ARHGEF28: variants seen among roughly 807,000 people sequenced by gnomAD.
The protein encoded by ARHGEF28 is 190 kDa guanine nucleotide exchange factor.
In ARHGEF28, 152 loss-of-function variants were observed where a neutral mutation model predicts 206.6. That is an observed-to-expected ratio of 0.74 (90% CI 0.64 to 0.84). ARHGEF28 has a LOEUF of 0.84. Ranked by LOEUF, ARHGEF28 falls within the 40% of genes least tolerant of loss-of-function variation. ARHGEF28 has a pLI of 0.00. For synonymous variants in ARHGEF28, 763 were observed against 776.4 expected (o/e 0.98, Z 0.29); for missense variants, 2,028 against 2,073.2 (o/e 0.98, Z 0.42).
At chr5:73,837,344 T>G (rs1227058988) in intron 10 of ARHGEF28, among the ~76,000 whole-genome samples, 1 of 152,200 alleles carries the variant, frequency 6.6e-6, no homozygotes, top group Non-Finnish European at 1.5e-5. Context: ...ACATAGGATA[T>G]CTTTCCATTT....
chr5:73,636,837 T>C (rs901854652), intron 1 of ARHGEF28, among the ~76,000 whole-genome samples: 8 of 152,202 alleles, frequency 5.3e-5, no homozygotes, highest in African/African-American at 1.9e-4. Context: ...TCTATGTTTC[T>C]GTGGAGGTAA....
intron 11 of ARHGEF28, among the ~76,000 whole-genome samples, chr5:73,845,428 G>A (rs1758274350): frequency 6.6e-6 from 1 of 152,012 alleles, no homozygotes; most frequent in Non-Finnish European, 1.5e-5. Context: ...GCGGATGGGT[G>A]GGACCTTCAC....
At chr5:73,788,928 G>C (rs1193833372) in intron 7 of ARHGEF28, among the ~76,000 whole-genome samples, 3 of 152,064 alleles carry the variant, frequency 2.0e-5, no homozygotes, top group Admixed American at 1.3e-4. Context: ...TGGTGGGCAG[G>C]GGTGGGGGTT....
chr5:73,838,646 G>A (rs1361048627), intron 10 of ARHGEF28, among the ~76,000 whole-genome samples: 1 of 152,126 alleles, frequency 6.6e-6, no homozygotes, highest in Non-Finnish European at 1.5e-5. Flanking sequence ...GTGGTTATGT[G>A]TGCATGCAAA....
chr5:73,911,058 G>T (rs548055769), intron 34 of ARHGEF28, among the ~76,000 whole-genome samples: 50 of 152,042 alleles, frequency 3.3e-4, no homozygotes, highest in African/African-American at 9.2e-4. Flanking sequence ...CACTTTTTTT[G>T]TTGTTGTTGT....
chr5:73,904,116 A>G (rs1407047254), intron 31 of ARHGEF28, 106 bp from the exon 32 acceptor site: 4 of 1,082,396 alleles, frequency 3.7e-6, no homozygotes, highest in Non-Finnish European at 5.6e-6. Context: ...AATCAAGTTT[A>G]GAGATAGCAA....
At chr5:73,906,301 C>T (rs898079020) in intron 33 of ARHGEF28, among the ~76,000 whole-genome samples, 19 of 152,136 alleles carry the variant, frequency 1.2e-4, no homozygotes, top group African/African-American at 3.4e-4. Flanking sequence ...TGCAGTGGCA[C>T]GATCTCAACT....
At chr5:73,657,074 G>A (rs1745258699) in intron 1 of ARHGEF28, among the ~76,000 whole-genome samples, 1 of 150,992 alleles carries the variant, frequency 6.6e-6, no homozygotes, top group South Asian at 2.1e-4. Context: ...TTGGGAGTCT[G>A]AGGCAGGAGA....
intron 2 of ARHGEF28, among the ~76,000 whole-genome samples, chr5:73,745,225 AG>A (rs1328364125): frequency 6.6e-6 from 1 of 151,904 alleles, no homozygotes; most frequent in Non-Finnish European, 1.5e-5. Context: ...GAGGGAAGAA[AG>A]GGAGGAAGGG....
intron 1 of ARHGEF28, among the ~76,000 whole-genome samples, chr5:73,655,004 C>G (rs1745094504): frequency 6.6e-6 from 1 of 152,162 alleles, no homozygotes. Context: ...AATGTAAAAT[C>G]TCATTGGGCA....
At chr5:73,684,796 G>C in intron 1 of ARHGEF28, 45 bp from the exon 2 acceptor site, 1 of 1,579,434 alleles carries the variant, frequency 6.3e-7, no homozygotes, top group Admixed American at 1.7e-5. Flanking sequence ...TCGGTTCCAT[G>C]GGGCCTCCTG....
At chr5:73,806,849 G>A (rs868497410) in intron 9 of ARHGEF28, among the ~76,000 whole-genome samples, 7 of 129,192 alleles carry the variant, frequency 5.4e-5, no homozygotes, top group African/African-American at 9.3e-5. Context: ...GGTATATATC[G>A]ATATATACTA....
chr5:73,873,145 A>G lies in ARHGEF28; in HGVS notation c.2713A>G (p.Arg905Gly), dbSNP rs763738235. 2.2e-5 allele frequency: 35 copies of G among 1,612,758 alleles called. No homozygotes were observed. Among genetic ancestry groups the G allele is most frequent in the Non-Finnish European group, 3.0e-5 (35 of 1,179,394 alleles). Residue 905 changes from arginine (R) to glycine (G), a missense_variant, in exon 22 of 36, where the codon AGG (arginine) becomes GGG (glycine). Coordinates refer to ENST00000513042, the MANE Select transcript of ARHGEF28 (RefSeq NM_001177693.2). Reference sequence around the variant, plus strand: ...TTTAGATGAGTTGCTTGAAATCCACAGGCATTTCTTCTACAGTATGAAGGA... The same window carrying G: ...TTTAGATGAGTTGCTTGAAATCCACGGGCATTTCTTCTACAGTATGAAGGA... ...PCLDELLEIH[R>G]HFFYSMKERR...
At chr5:73,791,720 G>T (rs34487193) in intron 7 of ARHGEF28, among the ~76,000 whole-genome samples, 59,023 of 151,922 alleles carry the variant, frequency 0.39, 11,876 homozygotes, top group Non-Finnish European at 0.44. Flanking sequence ...CCTGTTCACT[G>T]GTGCAGTGTC....
chr5:73,877,506 G>T (rs1760596423), intron 22 of ARHGEF28, among the ~76,000 whole-genome samples: 1 of 134,118 alleles, frequency 7.5e-6, no homozygotes, highest in African/African-American at 3.0e-5. Context: ...TCTTTTAATT[G>T]TGATGTTAGG....
At chr5:73,725,613 T>C (rs1326329845) in intron 2 of ARHGEF28, among the ~76,000 whole-genome samples, 1 of 152,224 alleles carries the variant, frequency 6.6e-6, no homozygotes, top group Non-Finnish European at 1.5e-5. Context: ...TAAAAATCTT[T>C]TTTATTTTCT....
chr5:73,887,348 T>G (rs1475766787), intron 25 of ARHGEF28: 1 of 305,444 alleles, frequency 3.3e-6, no homozygotes, highest in Non-Finnish European at 5.9e-6. Flanking sequence ...TTTTAATGGA[T>G]ATTTTTCTTC....
At chr5:73,911,702 GA>G in intron 35 of ARHGEF28, 127 bp downstream of exon 35, 1 of 1,020,848 alleles carries the variant, frequency 9.8e-7, no homozygotes, top group Non-Finnish European at 1.4e-6. Flanking sequence ...TGATGAGCTG[GA>G]GTTTGTGGCA....
At chr5:73,787,963 A>G (rs770506759) in intron 7 of ARHGEF28, among the ~76,000 whole-genome samples, 1 of 152,186 alleles carries the variant, frequency 6.6e-6, no homozygotes, top group Non-Finnish European at 1.5e-5. Context: ...GGATTAAAGA[A>G]TCATAGTTTG....
Sources: gnomAD v4.1 joint callset for allele counts (sites outside exome capture counted in the v4.1 genomes callset) on GRCh38, gnomAD v4.1.1 for gene constraint, MANE v1.5 for transcripts, NCBI Gene and HGNC (gene_info 2026-07-23, HGNC 2026-07-21) for gene names.